SPATS2L: variants seen among roughly 807,000 people sequenced by gnomAD.
The protein encoded by SPATS2L is spermatogenesis associated serine rich 2 like.
In SPATS2L, 30 loss-of-function variants were observed where a neutral mutation model predicts 59.6. The observed-to-expected ratio is 0.50, with a 90% confidence interval of 0.38 to 0.68. SPATS2L has a LOEUF of 0.68. Ranked by LOEUF, SPATS2L falls within the 30% of genes least tolerant of loss-of-function variation. The pLI is 0.00. For synonymous variants in SPATS2L, 252 were observed against 263.5 expected, an observed-to-expected ratio of 0.96 and a Z score of 0.42; for missense variants, 615 against 700.0, an observed-to-expected ratio of 0.88 and a Z score of 1.37.
chr2:200,341,128 A>G (rs1297672128), intron 2 of SPATS2L, among the ~76,000 whole-genome samples: 1 of 152,168 alleles, frequency 6.6e-6, no homozygotes, highest in Non-Finnish European at 1.5e-5. Flanking sequence ...GCATTATCCC[A>G]ACCAATTCTC....
intron 2 of SPATS2L, among the ~76,000 whole-genome samples, chr2:200,338,162 A>T (rs1394915587): frequency 6.6e-6 from 1 of 152,060 alleles, no homozygotes; most frequent in Non-Finnish European, 1.5e-5. Context: ...GTAGCTGGGA[A>T]TACAGGTGTG....
At chr2:200,458,499 C>T (rs2086010465) in intron 8 of SPATS2L, among the ~76,000 whole-genome samples, 1 of 151,958 alleles carries the variant, frequency 6.6e-6, no homozygotes, top group South Asian at 2.1e-4. Context: ...CATCTAATAA[C>T]AAATTTATAG....
chr2:200,437,577 G>A (rs956808676), intron 6 of SPATS2L, among the ~76,000 whole-genome samples: 1 of 152,108 alleles, frequency 6.6e-6, no homozygotes, highest in Admixed American at 6.6e-5. Flanking sequence ...GGATAAAATT[G>A]CATACTACCA....
intron 3 of SPATS2L, among the ~76,000 whole-genome samples, chr2:200,404,365 A>G (rs2082625424): frequency 6.6e-6 from 1 of 152,158 alleles, no homozygotes; most frequent in African/African-American, 2.4e-5. Flanking sequence ...TACCAGAATG[A>G]TGTGCTAGTT....
At chr2:200,477,028 G>A (rs1025446957) in intron 12 of SPATS2L, among the ~76,000 whole-genome samples, 7 of 152,310 alleles carry the variant, frequency 4.6e-5, no homozygotes, top group Non-Finnish European at 5.9e-5. Flanking sequence ...TGCAGTCTCC[G>A]ACGTGCAGCT....
chr2:200,330,683 T>C (rs1394464493), intron 2 of SPATS2L, among the ~76,000 whole-genome samples: 2 of 152,208 alleles, frequency 1.3e-5, no homozygotes, highest in Non-Finnish European at 2.9e-5. Flanking sequence ...TTGAAACGTA[T>C]ACCAAATAAT....
At chr2:200,443,250 T>A (rs928625795) in intron 8 of SPATS2L, among the ~76,000 whole-genome samples, 2 of 152,116 alleles carry the variant, frequency 1.3e-5, no homozygotes, top group Admixed American at 1.3e-4. Flanking sequence ...GAAAATGAAT[T>A]TTAGGGATTA....
At chr2:200,440,074 T>C (rs771463543) in intron 7 of SPATS2L, among the ~76,000 whole-genome samples, 8 of 152,250 alleles carry the variant, frequency 5.3e-5, no homozygotes, top group Non-Finnish European at 1.0e-4. Context: ...GTTTGTGATG[T>C]ACTATCTGTA....
At chr2:200,379,938 A>C (rs1399142466) in intron 2 of SPATS2L, among the ~76,000 whole-genome samples, 1 of 152,152 alleles carries the variant, frequency 6.6e-6, no homozygotes, top group East Asian at 1.9e-4. Context: ...GGTCCGGGTC[A>C]CCCACATCTC....
intron 3 of SPATS2L, chr2:200,389,550 G>A: frequency 2.7e-6 from 1 of 366,308 alleles, no homozygotes; most frequent in Non-Finnish European, 5.0e-6. Flanking sequence ...TTACAGAGGT[G>A]GAAATTGAGA....
chr2:200,347,157 A>G (rs2080541198), intron 2 of SPATS2L, among the ~76,000 whole-genome samples: 1 of 152,150 alleles, frequency 6.6e-6, no homozygotes, highest in Admixed American at 6.5e-5. Flanking sequence ...GGAAAACACA[A>G]CCCAAGTGGG....
intron 2 of SPATS2L, among the ~76,000 whole-genome samples, chr2:200,345,758 T>C (rs1452123735): frequency 1.3e-5 from 2 of 152,240 alleles, no homozygotes; most frequent in Non-Finnish European, 2.9e-5. Flanking sequence ...GATCTTTTGC[T>C]CCTTTGAAGA....
chr2:200,467,505 A>T (rs2086679842), intron 10 of SPATS2L, 106 bp downstream of exon 10: 1 of 744,032 alleles, frequency 1.3e-6, no homozygotes. Flanking sequence ...TAACATGTAC[A>T]CCCAGCTCTC....
intron 3 of SPATS2L, among the ~76,000 whole-genome samples, chr2:200,397,267 G>C (rs978702153): frequency 6.6e-6 from 1 of 152,210 alleles, no homozygotes; most frequent in South Asian, 2.1e-4. Flanking sequence ...ATGAAACCCT[G>C]TGGCAGCAGG....
In SPATS2L at chr2:200,474,839, C is replaced by T. The variant is rs546147322; in HGVS notation, c.1281+1787C>T. Among the ~76,000 whole-genome samples the T allele has an allele frequency of 1.9e-4, 29 of 152,210 alleles. 1 individual carries two copies. The South Asian group carries it at 5.8e-3, about 31-fold the overall frequency. ...GGCAAGAATGGCCCTTGGACCGGGC[C>T]CTGTGTTTTCAAGTAACTTCTTGAC... On this transcript the variant is annotated intron_variant, in intron 12 of 12. Coordinates refer to ENST00000409140, the MANE Select transcript of SPATS2L (RefSeq NM_001100423.2).
rs191150522 is a variant in SPATS2L, at chr2:200,456,773, G to A, written c.789-2996G>A. ...GGGCATCTGAGGACATGCCAGTCTT[G>A]TGTCACATGCAGCAGTATTTCCCTT... On this transcript the variant is annotated intron_variant, in intron 8 of 12. Coordinates refer to ENST00000409140, the MANE Select transcript of SPATS2L (RefSeq NM_001100423.2). 3.3e-5 allele frequency among the ~76,000 whole-genome samples: 5 copies of A among 152,272 alleles called. No homozygotes were observed. The East Asian group carries it at 9.7e-4, about 29-fold the overall frequency.
At chr2:200,394,357 T>C (rs1574377715) in intron 3 of SPATS2L, among the ~76,000 whole-genome samples, 1 of 152,166 alleles carries the variant, frequency 6.6e-6, no homozygotes, top group East Asian at 1.9e-4. Flanking sequence ...CTCTCTTCTT[T>C]CTCCTACCCT....
At chr2:200,424,941 C>T (rs920012816) in intron 6 of SPATS2L, among the ~76,000 whole-genome samples, 1 of 152,202 alleles carries the variant, frequency 6.6e-6, no homozygotes, top group African/African-American at 2.4e-5. Context: ...GCTTGCTGAC[C>T]TTCACGAGCT....
intron 9 of SPATS2L, among the ~76,000 whole-genome samples, chr2:200,466,186 T>C (rs544640456): frequency 7.2e-5 from 11 of 152,218 alleles, no homozygotes; most frequent in Non-Finnish European, 1.6e-4. Context: ...AAATCAGAAA[T>C]CATATTGTTT....
Sources: gnomAD v4.1 joint callset for allele counts (sites outside exome capture counted in the v4.1 genomes callset) on GRCh38, gnomAD v4.1.1 for gene constraint, MANE v1.5 for transcripts, NCBI Gene and HGNC (gene_info 2026-07-23, HGNC 2026-07-21) for gene names.